The following NCK2 variants were observed in gnomAD, a reference collection of about 807,000 sequenced individuals.
NCK2 encodes cytoplasmic protein NCK2.
NCK2 carries 16 observed loss-of-function variants against 33.9 expected under a neutral mutation model. The observed-to-expected ratio is 0.47, with a 90% CI of 0.32 to 0.72. The LOEUF (loss-of-function observed/expected upper bound fraction) is 0.72, where lower values mean the gene tolerates loss of function less well. NCK2 is among the 30% of genes least tolerant of loss of function. The pLI is 0.03. For missense variants in NCK2, 418 were observed against 537.3 expected (o/e 0.78, Z 2.19); for synonymous variants, 273 against 239.9 (o/e 1.14, Z -1.27).
intron 1 of NCK2, among the ~76,000 whole-genome samples, chr2:105,770,646 C>G (rs1188378178): frequency 6.6e-5 from 10 of 152,174 alleles, no homozygotes; most frequent in Admixed American, 5.9e-4. Context: ...GGATTTGATT[C>G]TTGTGTGAAT....
intron 1 of NCK2, among the ~76,000 whole-genome samples, chr2:105,810,163 A>G (rs911875590): frequency 1.3e-5 from 2 of 152,242 alleles, no homozygotes; most frequent in African/African-American, 4.8e-5. Context: ...AGCTGTGCTT[A>G]ATTACCAAAG....
At chr2:105,774,072 A>G (rs1483606493) in intron 1 of NCK2, among the ~76,000 whole-genome samples, 2 of 150,276 alleles carry the variant, frequency 1.3e-5, no homozygotes, top group Admixed American at 1.3e-4. Context: ...GCAGTGGCAC[A>G]ATCTTGGCTC....
At chr2:105,779,306 CAA>C (rs780590996) in intron 1 of NCK2, among the ~76,000 whole-genome samples, 2 of 119,550 alleles carry the variant, frequency 1.7e-5, no homozygotes. Flanking sequence ...GACTCCGTCT[CAA>C]AAAAAAAAAA....
rs1236411512 is a variant in NCK2, at chr2:105,894,200, A to C, written c.*1024A>C. On this transcript the variant is annotated 3_prime_UTR_variant, in exon 5 of 5. Coordinates refer to ENST00000233154, the MANE Select transcript of NCK2 (RefSeq NM_003581.5). Reference sequence around the variant, plus strand: ...GATGGCACATTCCTACGATTGAAGAAGGGGTCTTGAGATCCCCTAAACTTG... The same window carrying C: ...GATGGCACATTCCTACGATTGAAGACGGGGTCTTGAGATCCCCTAAACTTG... The C allele has an allele frequency of 6.6e-6, 1 of 152,650 alleles. No individual in the cohort carries two copies. Among genetic ancestry groups the C allele is most frequent in the African/African-American group, 2.4e-5 (1 of 41,450 alleles). The allele number at this position is 152,650 out of a possible 1,614,324, so 9.5% of individuals were successfully genotyped here.
chr2:105,875,623 C>T (rs577158866), intron 3 of NCK2, among the ~76,000 whole-genome samples: 2 of 152,314 alleles, frequency 1.3e-5, no homozygotes, highest in African/African-American at 2.4e-5. Flanking sequence ...AGCACCCTTG[C>T]TGCTTCTGCC....
chr2:105,790,086 T>A (rs541991562), intron 1 of NCK2, among the ~76,000 whole-genome samples: 66 of 152,364 alleles, frequency 4.3e-4, no homozygotes, highest in African/African-American at 1.6e-3. Flanking sequence ...GGAATGTTAC[T>A]TCCTATTTGT....
intron 1 of NCK2, among the ~76,000 whole-genome samples, chr2:105,766,023 C>T (rs911473836): frequency 2.6e-5 from 4 of 152,134 alleles, no homozygotes; most frequent in African/African-American, 9.7e-5. Context: ...TCCTGGTACT[C>T]TGGCCCAGAC....
At chr2:105,854,088 CTG>C (rs1359826330) in intron 2 of NCK2, 1 of 152,240 alleles carries the variant, frequency 6.6e-6, no homozygotes, top group African/African-American at 2.4e-5. Flanking sequence ...TAAGGATAAA[CTG>C]TCAGAATCAC....
At chr2:105,863,336 C>T (rs1216691599) in intron 3 of NCK2, among the ~76,000 whole-genome samples, 1 of 152,116 alleles carries the variant, frequency 6.6e-6, no homozygotes, top group Non-Finnish European at 1.5e-5. Context: ...GCCTGGTTCT[C>T]GTGGAAGCCG....
intron 1 of NCK2, among the ~76,000 whole-genome samples, chr2:105,778,865 G>A (rs1241088140): frequency 2.0e-5 from 3 of 151,564 alleles, no homozygotes; most frequent in Admixed American, 1.3e-4. Flanking sequence ...TAGGACTATA[G>A]GCACACACCA....
chr2:105,844,017 T>C (rs146891312), intron 2 of NCK2, among the ~76,000 whole-genome samples: 2 of 152,224 alleles, frequency 1.3e-5, no homozygotes, highest in East Asian at 1.9e-4. Context: ...TATGGTAAGA[T>C]GAGAATAGCA....
At chr2:105,790,052 T>C (rs1191629716) in intron 1 of NCK2, among the ~76,000 whole-genome samples, 8 of 152,250 alleles carry the variant, frequency 5.3e-5, no homozygotes, top group Non-Finnish European at 2.9e-5. Flanking sequence ...CAAAACATCT[T>C]AATTTTTATT....
intron 3 of NCK2, among the ~76,000 whole-genome samples, chr2:105,873,559 C>T (rs1233304375): frequency 1.3e-5 from 2 of 152,176 alleles, no homozygotes; most frequent in African/African-American, 4.8e-5. Context: ...TTCTTTTCAG[C>T]TCACCCATAT....
intron 3 of NCK2, 42 bp downstream of exon 3, chr2:105,855,331 A>C: frequency 3.3e-5 from 48 of 1,465,298 alleles, no homozygotes; most frequent in Middle Eastern, 1.8e-4. Flanking sequence ...TGTGCATTTC[A>C]AGGGACACTG....
intron 2 of NCK2, among the ~76,000 whole-genome samples, chr2:105,825,720 C>A (rs1438526139): frequency 6.6e-6 from 1 of 152,212 alleles, no homozygotes; most frequent in Non-Finnish European, 1.5e-5. Flanking sequence ...TTATCTGGGT[C>A]ACCAGCAAGG....
intron 4 of NCK2, among the ~76,000 whole-genome samples, chr2:105,890,361 C>T (rs1343358629): frequency 6.6e-6 from 1 of 152,222 alleles, no homozygotes; most frequent in Non-Finnish European, 1.5e-5. Flanking sequence ...CCATGATTCA[C>T]TCCCATACTG....
chr2:105,818,780 G>A (rs1675608285), intron 2 of NCK2, among the ~76,000 whole-genome samples: 1 of 152,084 alleles, frequency 6.6e-6, no homozygotes, highest in Admixed American at 6.5e-5. Flanking sequence ...CTTTTGGTGT[G>A]GTGGTTTCTG....
Position 105,881,902 on chromosome 2 carries a change from A to C in NCK2, c.801A>C (p.Pro267=), listed in dbSNP as rs1678513581. 2 of 1,569,486 alleles carry C rather than the reference A, an allele frequency of 1.3e-6. No individual in the cohort carries two copies. Among genetic ancestry groups the C allele is most frequent in the Non-Finnish European group, 1.7e-6 (2 of 1,158,264 alleles). ...CTGCCCTGCACCCTGCGCACGCCCC[A>C]CAGATAAGCTACACCGGGCCCTCGT... ...DGPALHPAHA[P]QISYTGPSSS... is the part of the protein sequence containing the mutation. The change falls in exon 4 of 5, where the codon CCA becomes CCC. Residue 267 remains proline, a synonymous_variant. Coordinates refer to ENST00000233154, the MANE Select transcript of NCK2 (RefSeq NM_003581.5).
At chr2:105,764,418 C>G (rs771841202) in intron 1 of NCK2, among the ~76,000 whole-genome samples, 7 of 152,250 alleles carry the variant, frequency 4.6e-5, no homozygotes, top group Non-Finnish European at 7.3e-5. Context: ...GACTGCATCC[C>G]TGCAGGAGCC....
Sources: allele counts gnomAD v4.1 joint callset (sites outside exome capture counted in the v4.1 genomes callset), GRCh38; gene constraint gnomAD v4.1.1; transcripts MANE v1.5; gene names NCBI Gene and HGNC (gene_info 2026-07-23, HGNC 2026-07-21).